TNRC6A: variants seen among roughly 807,000 people sequenced by gnomAD.
TNRC6A encodes the protein trinucleotide repeat containing adaptor 6A.
In TNRC6A, 44 loss-of-function variants were observed where a neutral mutation model predicts 221.2. The ratio of observed to expected loss-of-function variants is 0.20; its 90% CI spans 0.16 to 0.26. The LOEUF (loss-of-function observed/expected upper bound fraction) is 0.26. TNRC6A is among the 10% of genes least tolerant of loss of function. The pLI is 1.00. For missense variants in TNRC6A, 2,199 were observed against 2,404.4 expected (o/e 0.91, Z 1.79); for synonymous variants, 847 against 838.5 (o/e 1.01, Z -0.18).
At position 24,745,779 on chromosome 16, in the gene TNRC6A, C is replaced by T. The variant is rs188728914; in HGVS notation, c.54-4947C>T. Among the ~76,000 whole-genome samples the T allele has an allele frequency of 3.6e-5, 5 of 140,060 alleles. No individual in the cohort carries two copies. In the East Asian group the frequency reaches 1.0e-3, roughly 29 times the overall value. The allele number at this position is 140,060 out of a possible 152,430, so 91.9% of individuals were successfully genotyped here. Reference sequence around the variant, plus strand: ...GCCTCAGCCTCCCATGTAGCTGAGACTACAGGTATGTACCATCCCCCCCCC... The same window carrying T: ...GCCTCAGCCTCCCATGTAGCTGAGATTACAGGTATGTACCATCCCCCCCCC... On this transcript the variant is annotated intron_variant, in intron 2 of 24. Coordinates refer to ENST00000395799, the MANE Select transcript of TNRC6A (RefSeq NM_014494.4).
intron 4 of TNRC6A, among the ~76,000 whole-genome samples, chr16:24,767,393 G>A (rs1011428417): frequency 2.0e-5 from 3 of 152,176 alleles, no homozygotes; most frequent in Non-Finnish European, 2.9e-5. Context: ...AGGGAAAGTC[G>A]AGGTGAGGAG....
At chr16:24,672,011 A>C (rs1017895793) in intron 2 of TNRC6A, among the ~76,000 whole-genome samples, 3 of 152,356 alleles carry the variant, frequency 2.0e-5, no homozygotes, top group Admixed American at 6.5e-5. Context: ...CAGTTGGTGA[A>C]ATTTTAATAT....
Position 24,766,599 on chromosome 16 carries a change from C to G in TNRC6A, c.163+8239C>G, listed in dbSNP as rs112742068. Among the ~76,000 whole-genome samples the G allele has an allele frequency of 4.2e-3, 631 of 151,832 alleles. 7 individuals carry two copies. Among genetic ancestry groups the G allele is most frequent in the Middle Eastern group, 0.01 (3 of 294 alleles). Reference sequence around the variant, plus strand: ...TATCAACTTCATAAATTTGGCAGGCCAAAATTGGTCTTTTTTCTTTGACTT... The same window carrying G: ...TATCAACTTCATAAATTTGGCAGGCGAAAATTGGTCTTTTTTCTTTGACTT... On this transcript the variant is annotated intron_variant, in intron 4 of 24. Coordinates refer to ENST00000395799, the MANE Select transcript of TNRC6A (RefSeq NM_014494.4).
At chr16:24,654,138 G>T (rs891662815) in intron 2 of TNRC6A, among the ~76,000 whole-genome samples, 6 of 152,054 alleles carry the variant, frequency 3.9e-5, no homozygotes, top group African/African-American at 1.2e-4. Context: ...CTCAAATTTG[G>T]TGCACTCAAA....
chr16:24,734,941 G>A (rs192291633), intron 2 of TNRC6A, among the ~76,000 whole-genome samples: 1 of 152,302 alleles, frequency 6.6e-6, no homozygotes, highest in Admixed American at 6.5e-5. Context: ...TCTAAACTGG[G>A]ACACTTATCT....
chr16:24,690,351 A>C (rs1463162536), intron 2 of TNRC6A, among the ~76,000 whole-genome samples: 2 of 152,146 alleles, frequency 1.3e-5, no homozygotes, highest in African/African-American at 2.4e-5. Flanking sequence ...GGAAATAACA[A>C]GGAAGGGAAA....
At chr16:24,640,546 G>T (rs1260813750) in intron 1 of TNRC6A, among the ~76,000 whole-genome samples, 1 of 151,550 alleles carries the variant, frequency 6.6e-6, no homozygotes, top group African/African-American at 2.4e-5. Flanking sequence ...TGGGCAACAT[G>T]GCAAAGCCCC....
chr16:24,688,733 T>C (rs1366388178), intron 2 of TNRC6A, among the ~76,000 whole-genome samples: 1 of 152,186 alleles, frequency 6.6e-6, no homozygotes, highest in African/African-American at 2.4e-5. Flanking sequence ...GCCAGCACTG[T>C]AGCTGCTTTC....
intron 4 of TNRC6A, among the ~76,000 whole-genome samples, chr16:24,762,400 C>G (rs907714812): frequency 6.6e-6 from 1 of 152,150 alleles, no homozygotes; most frequent in Non-Finnish European, 1.5e-5. Flanking sequence ...TTCTATGTGC[C>G]AGGCACTGTG....
At chr16:24,730,676 G>T (rs1381449284) in intron 2 of TNRC6A, among the ~76,000 whole-genome samples, 1 of 145,494 alleles carries the variant, frequency 6.9e-6, no homozygotes, top group Non-Finnish European at 1.5e-5. Flanking sequence ...TGGCTTCCCC[G>T]TTATTACTTT....
At chr16:24,676,443 T>C (rs1276939121) in intron 2 of TNRC6A, among the ~76,000 whole-genome samples, 1 of 152,008 alleles carries the variant, frequency 6.6e-6, no homozygotes, top group Non-Finnish European at 1.5e-5. Context: ...ATTACAGGCA[T>C]GCACCGCCAT....
chr16:24,646,456 G>C (rs940085139), intron 2 of TNRC6A, among the ~76,000 whole-genome samples: 1 of 152,270 alleles, frequency 6.6e-6, no homozygotes, highest in East Asian at 1.9e-4. Context: ...TTTAACAACT[G>C]TACCCATGAC....
intron 1 of TNRC6A, among the ~76,000 whole-genome samples, chr16:24,631,497 TG>T (rs1350527533): frequency 1.3e-5 from 2 of 151,926 alleles, no homozygotes; most frequent in Non-Finnish European, 2.9e-5. Flanking sequence ...AGGGGCTGGG[TG>T]TGGTGACTCA....
intron 2 of TNRC6A, among the ~76,000 whole-genome samples, chr16:24,716,287 A>C (rs2056311111): frequency 6.6e-6 from 1 of 152,138 alleles, no homozygotes; most frequent in Non-Finnish European, 1.5e-5. Flanking sequence ...TTTTGTCTGC[A>C]TTTTTAGCCG....
At chr16:24,621,988 C>T (rs2141603539) in intron 1 of TNRC6A, among the ~76,000 whole-genome samples, 1 of 152,290 alleles carries the variant, frequency 6.6e-6, no homozygotes, top group East Asian at 1.9e-4. Context: ...GATTTATCTT[C>T]CTAGTGTCTC....
intron 4 of TNRC6A, among the ~76,000 whole-genome samples, chr16:24,764,813 C>T (rs1053427539): frequency 6.6e-6 from 1 of 152,062 alleles, no homozygotes; most frequent in African/African-American, 2.4e-5. Flanking sequence ...CTTGAAATCT[C>T]GGATAGTACT....
At chr16:24,646,574 A>G (rs1902302050) in intron 2 of TNRC6A, among the ~76,000 whole-genome samples, 1 of 152,242 alleles carries the variant, frequency 6.6e-6, no homozygotes, top group African/African-American at 2.4e-5. Flanking sequence ...TGAAACTCCA[A>G]TAAAACCAGA....
chr16:24,611,284 A>G (rs553590875), intron 1 of TNRC6A, among the ~76,000 whole-genome samples: 12 of 152,274 alleles, frequency 7.9e-5, no homozygotes, highest in African/African-American at 1.9e-4. Flanking sequence ...TTGGAAATGT[A>G]CCTTCTAAAA....
intron 2 of TNRC6A, among the ~76,000 whole-genome samples, chr16:24,737,361 T>TA (rs1050078538): frequency 2.0e-5 from 3 of 151,898 alleles, no homozygotes; most frequent in South Asian, 2.1e-4. Context: ...CTTTCCATCT[T>TA]AAAAAAAAGC....
Sources: gnomAD v4.1 joint callset for allele counts (sites outside exome capture counted in the v4.1 genomes callset) on GRCh38, gnomAD v4.1.1 for gene constraint, MANE v1.5 for transcripts, NCBI Gene and HGNC (gene_info 2026-07-23, HGNC 2026-07-21) for gene names.